Variants in ZNF281 observed in about 807,000 individuals in gnomAD.
The protein encoded by ZNF281 is zinc finger protein 281, also known as GC-box-binding zinc finger protein 1.
In ZNF281, 2 loss-of-function variants were observed where a neutral mutation model predicts 58.8. The observed-to-expected ratio is 0.03, with a 90% CI of 0.01 to 0.11. The LOEUF (loss-of-function observed/expected upper bound fraction) is 0.11. ZNF281 is among the 10% of genes least tolerant of loss of function. The pLI is 1.00. For missense variants in ZNF281, 975 were observed against 1,090.7 expected (o/e 0.89, Z 1.49); for synonymous variants, 465 against 407.7 (o/e 1.14, Z -1.69).
Position 200,407,883 on chromosome 1 carries a change from T to TGTAAAACCTCATCAGGAAA in ZNF281, c.1822_1823insTTTCCTGATGAGGTTTTAC (p.Gln608LeufsTer3). 6.2e-7 allele frequency: 1 copy of TGTAAAACCTCATCAGGAAA among 1,614,162 alleles called. No homozygotes were observed. Among genetic ancestry groups the TGTAAAACCTCATCAGGAAA allele is most frequent in the Middle Eastern group, 1.7e-4 (1 of 6,060 alleles). On this transcript the variant is annotated stop_gained and frameshift_variant, in exon 2 of 2. Transcript: ENST00000367353. LOFTEE classifies it high-confidence loss of function. Reference sequence around the variant, plus strand: ...GTTGGAGTATTGATCCAAAATACTTTGTAAAACCTCATCAGGAATTCCAGA... The same window carrying TGTAAAACCTCATCAGGAAA: ...GTTGGAGTATTGATCCAAAATACTTTGTAAAACCTCATCAGGAAAGTAAAACCTCATCAGGAATTCCAGA...
rs1055239810 is a variant in ZNF281, at chr1:200,409,060, T to C, written c.646A>G (p.Thr216Ala). 3 of 1,614,200 alleles carry C rather than the reference T, an allele frequency of 1.9e-6. No individual in the cohort carries two copies. Among genetic ancestry groups the C allele is most frequent in the African/African-American group, 1.3e-5 (1 of 75,048 alleles). ...HHGTEEPKQD[T>A]NVKKAKRPKP... ...GGCCTTTTTGCCTTTTTGACATTAG[T>C]GTCCTGCTTTGGCTCCTCAGTGCCA... The change falls in exon 2 of 2, where the codon ACT (threonine) becomes GCT (alanine). Residue 216 changes from threonine to alanine, a missense_variant. Thr to Ala is a moderately conservative substitution (Grantham distance 58, BLOSUM62 0). Around this residue, in one of 3 missense-constraint regions of ZNF281, gnomAD observed 370 missense variants for 360.9 expected, o/e 1.03. Coordinates refer to ENST00000367353, the MANE Select transcript of ZNF281 (RefSeq NM_001281293.2).
rs1233474413 is a variant in ZNF281, at chr1:200,409,223, T to C, written c.483A>G (p.Pro161=). 2 of 1,614,074 alleles carry C rather than the reference T, an allele frequency of 1.2e-6. No homozygotes were observed. Among genetic ancestry groups the C allele is most frequent in the South Asian group, 2.2e-5 (2 of 91,076 alleles). The change falls in exon 2 of 2, where the codon CCA becomes CCG. Residue 161 remains proline (P), a synonymous_variant. Transcript: ENST00000367353. ...GLFAGAEERS[P]GLGGGEGGSH... is the part of the protein sequence containing the mutation. ...TCCCCCCTTCACCGCCTCCTAGGCC[T>C]GGAGACCTCTCTTCAGCTCCAGCGA...
In ZNF281 at chr1:200,409,448, C is replaced by G; in HGVS notation, c.258G>C (p.Pro86=). 2.6e-6 allele frequency: 4 copies of G among 1,521,612 alleles called. No individual in the cohort carries two copies. The highest frequency in any genetic ancestry group is 3.5e-6 in the Non-Finnish European group (4 of 1,130,852). 94.3% of individuals were successfully genotyped at this position (1,521,612 alleles called of 1,614,324 possible). ...CTGGCGGAGGGGGGGGCTCAGCGGC[C>G]GGGGCTGCGGAGGTAGAGGAGGATA... The part of the protein sequence containing the change: ...CVLSSSTSAA[P]AAEPPPPPAP... Residue 86 remains proline, a synonymous_variant, in exon 2 of 2, where the codon CCG becomes CCC. Transcript: ENST00000367353.
rs925653571 is a variant in ZNF281 at position 200,405,767 on chromosome 1, T to C, written c.*1251A>G. On this transcript the variant is annotated 3_prime_UTR_variant, in exon 2 of 2. Transcript: ENST00000367353. ...TTATTACTATAAGCAGACACATTCT[T>C]ATCCCTCACAGGAGTTATGTCACCA... 5.9e-5 allele frequency: 9 copies of C among 152,298 alleles called. No individual in the cohort carries two copies. The highest frequency in any genetic ancestry group is 2.2e-4 in the African/African-American group (9 of 41,564). 9.4% of individuals were successfully genotyped at this position (152,298 alleles called of 1,614,324 possible).
rs1654485262 is a variant in ZNF281 at position 200,407,518 on chromosome 1, A to G, written c.2188T>C (p.Ser730Pro). The G allele has an allele frequency of 6.2e-7, 1 of 1,614,114 alleles. No individual in the cohort carries two copies. The highest frequency in any genetic ancestry group is 1.7e-5 in the Admixed American group (1 of 60,008). The change falls in exon 2 of 2, where the codon TCT (serine) becomes CCT (proline). Residue 730 changes from serine (S) to proline (P), a missense_variant. This residue lies in a region of ZNF281 where 579 missense variants were observed against 608.9 expected (regional missense o/e 0.95). Transcript: ENST00000367353. ...FGQSVTSVLP[S>P]SLPKPPFGML... is the part of the protein sequence containing the mutation. ...CCAAAAGGAGGCTTTGGCAATGAAGATGGCAACACTGAGGTAACAGATTGG... is the reference window on the plus strand; with the variant it reads ...CCAAAAGGAGGCTTTGGCAATGAAGGTGGCAACACTGAGGTAACAGATTGG...
In ZNF281 at chr1:200,405,208, TTTAAGA is replaced by T. The variant is rs772883377; in HGVS notation, c.*1804_*1809del. On this transcript the variant is annotated 3_prime_UTR_variant, in exon 2 of 2. Transcript: ENST00000367353. Reference sequence around the variant, plus strand: ...TAAACACTTTTTAGTACTCAGCGTATTTAAGATTAAGTACATTTTCTAAGAATCTTG... The same window carrying T: ...TAAACACTTTTTAGTACTCAGCGTATTTAAGTACATTTTCTAAGAATCTTG... 6.6e-5 allele frequency: 10 copies of T among 152,320 alleles called. No individual in the cohort carries two copies. The highest frequency in any genetic ancestry group is 1.9e-4 in the East Asian group (1 of 5,202). The allele number at this position is 152,320 out of a possible 1,614,324, so 9.4% of individuals were successfully genotyped here.
In ZNF281 at chr1:200,409,931, A is replaced by C; in HGVS notation, c.-19+15T>G. ...GCCTCGCCCTCTCCCTCCTGGACCC[A>C]CCGGCAATACTTACGGGTCCCGCCG... On this transcript the variant is annotated intron_variant, in intron 1 of 1. Coordinates refer to ENST00000367353, the MANE Select transcript of ZNF281 (RefSeq NM_001281293.2). 3.9e-6 allele frequency: 2 copies of C among 516,858 alleles called. No individual in the cohort carries two copies. The highest frequency in any genetic ancestry group is 3.1e-5 in the South Asian group (1 of 32,370). 32.0% of individuals were successfully genotyped at this position (516,858 alleles called of 1,614,324 possible). A position where few individuals can be genotyped will look rare whatever the true frequency, so the allele number is the denominator to read the frequency against.
Position 200,408,927 on chromosome 1 carries a change from G to A in ZNF281, c.779C>T (p.Pro260Leu). The change falls in exon 2 of 2, where the codon CCT becomes CTT. Residue 260 changes from proline (P) to leucine (L), a missense_variant. Physicochemically the swap from Pro to Leu is moderately conservative, Grantham distance 98. Around this residue, in one of 3 missense-constraint regions of ZNF281, gnomAD observed 370 missense variants for 360.9 expected, o/e 1.03. Transcript: ENST00000367353. ...EGAILSPSQKPHICDHCSAAF... is the reference protein window; with the variant it reads ...EGAILSPSQKLHICDHCSAAF... ...AGCACTACAGTGATCACAGATATGAGGTTTCTGACTTGGGGAGAGGATGGC... is the reference window on the plus strand; with the variant it reads ...AGCACTACAGTGATCACAGATATGAAGTTTCTGACTTGGGGAGAGGATGGC... The A allele has an allele frequency of 6.2e-7, 1 of 1,614,236 alleles. No homozygotes were observed. Among genetic ancestry groups the A allele is most frequent in the Non-Finnish European group, 8.5e-7 (1 of 1,180,040 alleles).
Position 200,409,699 on chromosome 1 carries a change from T to C in ZNF281, c.7A>G (p.Ile3Val), listed in dbSNP as rs1373064525. ...CCGCCACTCAGGAACCCACTGCCGATTTTCATACCCCGGAGGAGGCCTGGC... is the reference window on the plus strand; with the variant it reads ...CCGCCACTCAGGAACCCACTGCCGACTTTCATACCCCGGAGGAGGCCTGGC... MK[I>V]GSGFLSGGGG... is the part of the protein sequence containing the mutation. Residue 3 changes from isoleucine to valine, a missense_variant, in exon 2 of 2, where the codon ATC becomes GTC. Coordinates refer to ENST00000367353, the MANE Select transcript of ZNF281 (RefSeq NM_001281293.2). The C allele has an allele frequency of 6.3e-7, 1 of 1,589,322 alleles. No homozygotes were observed. The highest frequency in any genetic ancestry group is 1.1e-5 in the South Asian group (1 of 87,856).
Position 200,407,930 on chromosome 1 carries a change from T to C in ZNF281, c.1776A>G (p.Glu592=). The part of the protein sequence containing the change: ...SLIDSSALNA[E]IKSCHDKSGI... The stretch of plus-strand genomic sequence containing the variant: ...CAGACTTGTCATGACAAGATTTAAT[T>C]TCAGCATTTAGAGCTGAGGAGTCAA... Residue 592 remains glutamate (E), a synonymous_variant, in exon 2 of 2, where the codon GAA becomes GAG. Transcript: ENST00000367353. 6.2e-7 allele frequency: 1 copy of C among 1,614,178 alleles called. No individual in the cohort carries two copies. Among genetic ancestry groups the C allele is most frequent in the Non-Finnish European group, 8.5e-7 (1 of 1,180,030 alleles).
chr1:200,409,856 GC>G, intron 1 of ZNF281, 89 bp downstream of exon 1: 1 of 1,206,852 alleles, frequency 8.3e-7, no homozygotes, highest in Non-Finnish European at 1.1e-6. Flanking sequence ...CTAATTCCCA[GC>G]CCAGTCGCCT....
chr1:200,410,022 A>C lies in ZNF281; in HGVS notation c.-95T>G, dbSNP rs1376475811. 2.0e-6 allele frequency: 1 copy of C among 502,176 alleles called. No homozygotes were observed. The highest frequency in any genetic ancestry group is 2.2e-5 in the South Asian group (1 of 44,796). The allele number at this position is 502,176 out of a possible 1,614,324, so 31.1% of individuals were successfully genotyped here. ...CCGTCCTCTCCACAATGGAATTAAA[A>C]GCCTCCCGTGTACTGCGCAGCCGCG... On this transcript the variant is annotated 5_prime_UTR_variant, in exon 1 of 2. Coordinates refer to ENST00000367353, the MANE Select transcript of ZNF281 (RefSeq NM_001281293.2).
At position 200,407,694 on chromosome 1, in the gene ZNF281, T is replaced by A; in HGVS notation, c.2012A>T (p.Tyr671Phe). ...KASMLQEYSK[Y>F]LQQAFEKSTN... ...GGATTTTTCAAAAGCCTGTTGGAGG[T>A]ATTTGGAGTATTCTTGCAACATACT... The change falls in exon 2 of 2, where the codon TAC becomes TTC. Residue 671 changes from tyrosine (Y) to phenylalanine (F), a missense_variant. By Grantham distance (22) the Tyr-to-Phe change is conservative. Around this residue, in one of 3 missense-constraint regions of ZNF281, gnomAD observed 579 missense variants for 608.9 expected, o/e 0.95. Coordinates refer to ENST00000367353, the MANE Select transcript of ZNF281 (RefSeq NM_001281293.2). 3.7e-6 allele frequency: 6 copies of A among 1,614,016 alleles called. No individual in the cohort carries two copies. The highest frequency in any genetic ancestry group is 5.1e-6 in the Non-Finnish European group (6 of 1,180,004).
chr1:200,407,494 C>T lies in ZNF281; in HGVS notation c.2212G>A (p.Gly738Arg). The part of the protein sequence containing the change: ...LPSSLPKPPF[G>R]MLFGSQPGLY... Reference sequence around the variant, plus strand: ...CCTGGCTGAGATCCAAACAACATCCCAAAAGGAGGCTTTGGCAATGAAGAT... The same window carrying T: ...CCTGGCTGAGATCCAAACAACATCCTAAAAGGAGGCTTTGGCAATGAAGAT... Residue 738 changes from glycine to arginine, a missense_variant, in exon 2 of 2, where the codon GGG becomes AGG. Physicochemically the swap from Gly to Arg is moderately radical, Grantham distance 125 (BLOSUM62 -2). This residue lies in a region of ZNF281 where 579 missense variants were observed against 608.9 expected (regional missense o/e 0.95). Coordinates refer to ENST00000367353, the MANE Select transcript of ZNF281 (RefSeq NM_001281293.2). 1 of 1,614,136 alleles carries T rather than the reference C, an allele frequency of 6.2e-7. No homozygotes were observed.
chr1:200,408,544 T>C lies in ZNF281; in HGVS notation c.1162A>G (p.Met388Val). The change falls in exon 2 of 2, where the codon ATG becomes GTG. Residue 388 changes from methionine (M) to valine (V), a missense_variant. Coordinates refer to ENST00000367353, the MANE Select transcript of ZNF281 (RefSeq NM_001281293.2). Reference sequence around the variant, plus strand: ...TGAGACAACACAGCCAGATTACCCATATTGGTATGGTTTGATGACCCAGGT... The same window carrying C: ...TGAGACAACACAGCCAGATTACCCACATTGGTATGGTTTGATGACCCAGGT... ...AEPGSSNHTN[M>V]GNLAVLSQGN... is the part of the protein sequence containing the mutation. 3 of 1,614,260 alleles carry C rather than the reference T, an allele frequency of 1.9e-6. No individual in the cohort carries two copies. Among genetic ancestry groups the C allele is most frequent in the Non-Finnish European group, 2.5e-6 (3 of 1,180,050 alleles).
chr1:200,409,448 C>T lies in ZNF281; in HGVS notation c.258G>A (p.Pro86=), dbSNP rs1263417970. 7.2e-6 allele frequency: 11 copies of T among 1,521,480 alleles called. No homozygotes were observed. The highest frequency in any genetic ancestry group is 2.1e-5 in the Admixed American group (1 of 48,580). 94.2% of individuals were successfully genotyped at this position (1,521,480 alleles called of 1,614,324 possible). Reference sequence around the variant, plus strand: ...CTGGCGGAGGGGGGGGCTCAGCGGCCGGGGCTGCGGAGGTAGAGGAGGATA... The same window carrying T: ...CTGGCGGAGGGGGGGGCTCAGCGGCTGGGGCTGCGGAGGTAGAGGAGGATA... The part of the protein sequence containing the change: ...CVLSSSTSAA[P]AAEPPPPPAP... The change falls in exon 2 of 2, where the codon CCG becomes CCA. Residue 86 remains proline (P), a synonymous_variant. Transcript: ENST00000367353.
In ZNF281 at chr1:200,409,496, GGCCGACCCC is replaced by G; in HGVS notation, c.201_209del (p.Gly68_Ala70del). The G allele has an allele frequency of 1.3e-6, 2 of 1,548,878 alleles. No individual in the cohort carries two copies. Among genetic ancestry groups the G allele is most frequent in the Non-Finnish European group, 1.7e-6 (2 of 1,146,216 alleles). On this transcript the variant is annotated inframe_deletion, in exon 2 of 2. Coordinates refer to ENST00000367353, the MANE Select transcript of ZNF281 (RefSeq NM_001281293.2). ...ATAACACGCATTGCGGGGGAGGGGC[GGCCGACCCC>G]GCCGGCCGGGTGAAGCTGGTGACCG...
At position 200,407,513 on chromosome 1, in the gene ZNF281, T is replaced by C; in HGVS notation, c.2193A>G (p.Ser731=). 8 of 1,614,134 alleles carry C rather than the reference T, an allele frequency of 5.0e-6. No homozygotes were observed. Among genetic ancestry groups the C allele is most frequent in the Non-Finnish European group, 5.9e-6 (7 of 1,180,028 alleles). ...GQSVTSVLPS[S]LPKPPFGMLF... ...ACATCCCAAAAGGAGGCTTTGGCAA[T>C]GAAGATGGCAACACTGAGGTAACAG... The change falls in exon 2 of 2, where the codon TCA becomes TCG. Residue 731 remains serine (S), a synonymous_variant. Transcript: ENST00000367353.
In ZNF281 at chr1:200,409,526, G is replaced by A. The variant is rs888286077; in HGVS notation, c.180C>T (p.Val60=). 1.3e-6 allele frequency: 2 copies of A among 1,549,888 alleles called. No homozygotes were observed. Among genetic ancestry groups the A allele is most frequent in the Non-Finnish European group, 1.7e-6 (2 of 1,146,678 alleles). ...MVMFNHRLPP[V]TSFTRPAGSA... is the part of the protein sequence containing the mutation. ...ACCCCGCCGGCCGGGTGAAGCTGGT[G>A]ACCGGGGGAAGACGGTGGTTGAACA... The change falls in exon 2 of 2, where the codon GTC becomes GTT. Residue 60 remains valine (V), a synonymous_variant. Transcript: ENST00000367353.
Sources: allele counts gnomAD v4.1 joint callset, GRCh38; gene constraint gnomAD v4.1.1; regional missense constraint gnomAD v4.1.1; transcripts MANE v1.5; gene names NCBI Gene and HGNC (gene_info 2026-07-23, HGNC 2026-07-21).